VWA8: variants seen among roughly 807,000 people sequenced by gnomAD.
The protein encoded by VWA8 is von Willebrand factor A domain containing 8.
Under a neutral mutation model 241.5 loss-of-function variants are expected in VWA8, and 221 were observed. The ratio of observed to expected loss-of-function variants is 0.91; its 90% CI spans 0.82 to 1.02. VWA8 has a LOEUF of 1.02. Ranked by LOEUF, VWA8 falls within the 50% of genes least tolerant of loss-of-function variation. The probability of loss-of-function intolerance (pLI) is 0.00; values close to 1 mark genes in which losing one functional copy is unlikely to be tolerated. For missense variants in VWA8, 2,322 were observed against 2,328.7 expected (o/e 1.00, Z 0.06); for synonymous variants, 852 against 827.1 (o/e 1.03, Z -0.52).
intron 4 of VWA8, among the ~76,000 whole-genome samples, chr13:41,897,887 T>G (rs1373024098): frequency 2.6e-5 from 4 of 152,146 alleles, no homozygotes; most frequent in Non-Finnish European, 5.9e-5. Flanking sequence ...TTTATTCTGC[T>G]AGCTGGCCCC....
chr13:41,877,078 A>AC (rs1873933405), intron 9 of VWA8, among the ~76,000 whole-genome samples: 1 of 152,082 alleles, frequency 6.6e-6, no homozygotes, highest in South Asian at 2.1e-4. Flanking sequence ...AGTCTGCTAG[A>AC]TAAAACCACC....
chr13:41,894,997 C>A (rs1875029270), intron 4 of VWA8, among the ~76,000 whole-genome samples: 1 of 150,394 alleles, frequency 6.6e-6, no homozygotes, highest in African/African-American at 2.4e-5. Context: ...AGATAACAGT[C>A]TTTTTTTTTA....
At chr13:41,912,950 C>T (rs866444821) in intron 2 of VWA8, among the ~76,000 whole-genome samples, 136 of 152,188 alleles carry the variant, frequency 8.9e-4, no homozygotes, top group African/African-American at 3.2e-3. Flanking sequence ...AAAAGAAAAA[C>T]TCATAACCTT....
At chr13:41,670,432 A>G (rs2045014166) in intron 37 of VWA8, among the ~76,000 whole-genome samples, 1 of 151,730 alleles carries the variant, frequency 6.6e-6, no homozygotes, top group African/African-American at 2.4e-5. Context: ...GGGTCTACTT[A>G]TTGTTGACTA....
chr13:41,643,466 A>T (rs953983451), intron 37 of VWA8, among the ~76,000 whole-genome samples: 5 of 152,246 alleles, frequency 3.3e-5, no homozygotes, highest in Admixed American at 2.6e-4. Flanking sequence ...TAGTTGTCAA[A>T]GGAATCAATA....
At chr13:41,571,424 A>G (rs2044303362) in intron 43 of VWA8, among the ~76,000 whole-genome samples, 2 of 150,502 alleles carry the variant, frequency 1.3e-5, no homozygotes, top group Admixed American at 1.3e-4. Context: ...TACTGCCGCC[A>G]TCTCGGCTCA....
Position 41,719,595 on chromosome 13 carries a change from TTGCCAGC to T in VWA8, c.3105_3111del (p.Leu1036ArgfsTer3), listed in dbSNP as rs768041030. The T allele has an allele frequency of 6.2e-7, 1 of 1,612,900 alleles. No individual in the cohort carries two copies. The highest frequency in any genetic ancestry group is 8.5e-7 in the Non-Finnish European group (1 of 1,179,214). ...AGAGTACTGAATTTGCCTTACTCCT[TTGCCAGC>T]TGCACACTGGTAGGCTTTGCTCCGA... is the stretch of plus-strand genomic sequence containing the variant. On this transcript the variant is annotated frameshift_variant, in exon 26 of 45. Coordinates refer to ENST00000379310, the MANE Select transcript of VWA8 (RefSeq NM_015058.2). LOFTEE classifies it high-confidence loss of function.
rs1730636552 is a variant in VWA8 at position 41,780,585 on chromosome 13, CCA to C, written c.2278-2531_2278-2530del. 2.6e-5 allele frequency among the ~76,000 whole-genome samples: 4 copies of C among 152,240 alleles called. No homozygotes were observed. In the South Asian group the frequency reaches 6.2e-4, roughly 24 times the overall value. On this transcript the variant is annotated intron_variant, in intron 19 of 44. Coordinates refer to ENST00000379310, the MANE Select transcript of VWA8 (RefSeq NM_015058.2). ...TGCATCTACCCTTTCTTTTCCATCC[CCA>C]CAGTTTCAAGGTTTTTATCATCTCT...
Position 41,691,954 on chromosome 13 carries a change from A to G in VWA8, c.3676-16T>C, listed in dbSNP as rs2045181239. The stretch of plus-strand genomic sequence containing the variant: ...TATAAGTTTCCTAAAGACAAACAAA[A>G]CAAGATATTCATATTAAATGTGTCA... On this transcript the variant is annotated splice_polypyrimidine_tract_variant and intron_variant, in intron 30 of 44. Coordinates refer to ENST00000379310, the MANE Select transcript of VWA8 (RefSeq NM_015058.2). 6.4e-7 allele frequency: 1 copy of G among 1,553,552 alleles called. No individual in the cohort carries two copies. Among genetic ancestry groups the G allele is most frequent in the Non-Finnish European group, 8.9e-7 (1 of 1,126,034 alleles).
At chr13:41,898,513 T>G (rs186153475) in intron 4 of VWA8, among the ~76,000 whole-genome samples, 3,266 of 152,334 alleles carry the variant, frequency 0.021, 120 homozygotes, top group African/African-American at 0.072. Flanking sequence ...CCCAGCTGGC[T>G]TCACCCAGTG....
intron 26 of VWA8, among the ~76,000 whole-genome samples, chr13:41,706,544 A>C (rs1187653007): frequency 1.3e-5 from 2 of 152,210 alleles, no homozygotes; most frequent in Non-Finnish European, 2.9e-5. Flanking sequence ...TCCACTACTA[A>C]GACCTCTGAA....
At chr13:41,960,769 A>T (rs1878574437) in intron 1 of VWA8, 84 bp downstream of exon 1, 2 of 1,429,136 alleles carry the variant, frequency 1.4e-6, no homozygotes, top group Non-Finnish European at 9.1e-7. Flanking sequence ...GCAGCGAAGC[A>T]ACAGAGAGGA....
At chr13:41,676,017 T>C (rs1283089438) in intron 35 of VWA8, among the ~76,000 whole-genome samples, 1 of 152,128 alleles carries the variant, frequency 6.6e-6, no homozygotes, top group Non-Finnish European at 1.5e-5. Context: ...GCCATTATTC[T>C]GATTGTTGAA....
intron 37 of VWA8, among the ~76,000 whole-genome samples, chr13:41,647,974 G>A (rs1385951178): frequency 6.6e-6 from 1 of 152,054 alleles, no homozygotes; most frequent in Admixed American, 6.5e-5. Context: ...GGGCGAAGGA[G>A]CGAGACTTTG....
chr13:41,734,511 T>C (rs1291021085), intron 21 of VWA8, among the ~76,000 whole-genome samples: 1 of 152,196 alleles, frequency 6.6e-6, no homozygotes, highest in Non-Finnish European at 1.5e-5. Context: ...ACCTTCCCCA[T>C]CAGAGTCCTC....
chr13:41,675,541 A>C (rs2045054826), intron 35 of VWA8, among the ~76,000 whole-genome samples: 1 of 152,116 alleles, frequency 6.6e-6, no homozygotes, highest in Non-Finnish European at 1.5e-5. Flanking sequence ...ATAGCTTCCC[A>C]AGATGAGTCA....
At position 41,675,230 on chromosome 13, in the gene VWA8, T is replaced by C. The variant is rs1283349836; in HGVS notation, c.4394A>G (p.Tyr1465Cys). 1.9e-6 allele frequency: 3 copies of C among 1,611,748 alleles called. No homozygotes were observed. Among genetic ancestry groups the C allele is most frequent in the Non-Finnish European group, 2.5e-6 (3 of 1,178,364 alleles). Residue 1465 changes from tyrosine (Y) to cysteine (C), a missense_variant, in exon 36 of 45, where the codon TAT becomes TGT. Physicochemically the swap from Tyr to Cys is radical, Grantham distance 194. Transcript: ENST00000379310. ...AATGGATTACCTGGGAATAGGGATA[T>C]ATCGGAGTTTCTTTGATTGAAGATC... is the stretch of plus-strand genomic sequence containing the variant. ...VTDLQSKKLR[Y>C]IPIPRSESLS...
At chr13:41,598,621 T>C (rs2044502680) in intron 40 of VWA8, among the ~76,000 whole-genome samples, 1 of 152,118 alleles carries the variant, frequency 6.6e-6, no homozygotes, top group Non-Finnish European at 1.5e-5. Context: ...AGAGACATTT[T>C]AAGCCTCTGA....
chr13:41,870,754 A>C (rs1455560874), intron 9 of VWA8, among the ~76,000 whole-genome samples: 2 of 152,182 alleles, frequency 1.3e-5, no homozygotes, highest in Non-Finnish European at 2.9e-5. Context: ...ATCTAACTTG[A>C]TACAGGAGTG....
Sources: gnomAD v4.1 joint callset for allele counts (sites outside exome capture counted in the v4.1 genomes callset) on GRCh38, gnomAD v4.1.1 for gene constraint, MANE v1.5 for transcripts, NCBI Gene and HGNC (gene_info 2026-07-23, HGNC 2026-07-21) for gene names.